The following SGPL1 variants were observed in gnomAD, a reference collection of about 807,000 sequenced individuals.
SGPL1 encodes sphingosine-1-phosphate lyase 1.
SGPL1 carries 37 observed loss-of-function variants against 68.9 expected under a neutral mutation model. The observed-to-expected ratio is 0.54, with a 90% confidence interval of 0.41 to 0.71. The LOEUF is 0.71. Among genes scored for constraint, SGPL1 ranks in the 30% least tolerant of loss-of-function variants. The probability of loss-of-function intolerance (pLI) is 0.00; values close to 1 mark genes in which losing one functional copy is unlikely to be tolerated. For missense variants in SGPL1, 551 were observed against 704.6 expected (o/e 0.78, Z 2.47); for synonymous variants, 236 against 248.5 (o/e 0.95, Z 0.47).
chr10:70,861,540 C>T (rs1332990693), intron 7 of SGPL1, among the ~76,000 whole-genome samples: 1 of 152,198 alleles, frequency 6.6e-6, no homozygotes, highest in Admixed American at 6.5e-5. Context: ...CCCACTTTGG[C>T]GGCACTTGAG....
chr10:70,864,274 A>G (rs899667356), intron 7 of SGPL1, among the ~76,000 whole-genome samples: 3 of 152,142 alleles, frequency 2.0e-5, no homozygotes, highest in African/African-American at 7.2e-5. Flanking sequence ...ATGATTTCAC[A>G]GACTTCCAAC....
At position 70,875,484 on chromosome 10, in the gene SGPL1, T is replaced by C; in HGVS notation, c.1381T>C (p.Tyr461His). ...IALGSRDFDI[Y>H]RLSNLMTAKG... ...TCTGGGATCCCGTGATTTTGACATC[T>C]ACCGACTATCAAACCTGATGACTGC... Residue 461 changes from tyrosine (Y) to histidine (H), a missense_variant, in exon 13 of 15, where the codon TAC (tyrosine) becomes CAC (histidine). By Grantham distance (83) the Tyr-to-His change is moderately conservative (BLOSUM62 2). Transcript: ENST00000373202. The C allele has an allele frequency of 6.2e-7, 1 of 1,613,002 alleles. No individual in the cohort carries two copies. Among genetic ancestry groups the C allele is most frequent in the Non-Finnish European group, 8.5e-7 (1 of 1,178,970 alleles).
At chr10:70,834,571 G>C (rs1276667538) in intron 2 of SGPL1, among the ~76,000 whole-genome samples, 2 of 152,212 alleles carry the variant, frequency 1.3e-5, no homozygotes, top group African/African-American at 4.8e-5. Context: ...AGTAGTATGA[G>C]TGTAAGTCTC....
intron 2 of SGPL1, among the ~76,000 whole-genome samples, chr10:70,817,857 G>A (rs1845263975): frequency 6.6e-6 from 1 of 152,226 alleles, no homozygotes; most frequent in African/African-American, 2.4e-5. Flanking sequence ...GAACCAGTAT[G>A]AATTTAAGTT....
At chr10:70,846,224 C>T (rs771104064) in intron 3 of SGPL1, among the ~76,000 whole-genome samples, 3 of 152,168 alleles carry the variant, frequency 2.0e-5, no homozygotes, top group African/African-American at 7.2e-5. Context: ...CCGGCCCTTC[C>T]GCTGCATCTG....
At chr10:70,857,434 A>C (rs1280862955) in intron 5 of SGPL1, 180 bp from the exon 6 acceptor site, 1 of 529,402 alleles carries the variant, frequency 1.9e-6, no homozygotes, top group Non-Finnish European at 3.4e-6. Flanking sequence ...TTTCATCTTT[A>C]TTTTATTGTG....
intron 6 of SGPL1, among the ~76,000 whole-genome samples, chr10:70,858,791 C>T (rs1846003442): frequency 6.6e-6 from 1 of 152,178 alleles, no homozygotes; most frequent in Admixed American, 6.5e-5. Context: ...TGTTTTCCTT[C>T]CCTTCCATCA....
intron 12 of SGPL1, among the ~76,000 whole-genome samples, chr10:70,874,776 C>T (rs1306603155): frequency 6.6e-6 from 1 of 151,970 alleles, no homozygotes; most frequent in African/African-American, 2.4e-5. Flanking sequence ...TGGTGTGCAC[C>T]TTTGGTCCCA....
intron 4 of SGPL1, among the ~76,000 whole-genome samples, chr10:70,851,420 GCTAAACA>G (rs1845878769): frequency 1.4e-5 from 2 of 145,256 alleles, no homozygotes; most frequent in South Asian, 4.8e-4. Context: ...CAGAAATGCT[GCTAAACA>G]CTAAACATCC....
At chr10:70,873,876 A>G (rs1374315310) in intron 12 of SGPL1, among the ~76,000 whole-genome samples, 2 of 152,202 alleles carry the variant, frequency 1.3e-5, no homozygotes, top group Admixed American at 6.5e-5. Context: ...CCCTAAGGCT[A>G]ATGTACAATT....
At chr10:70,831,564 T>C (rs1020598407) in intron 2 of SGPL1, among the ~76,000 whole-genome samples, 8 of 152,200 alleles carry the variant, frequency 5.3e-5, no homozygotes, top group African/African-American at 9.7e-5. Context: ...TAAGGGATAC[T>C]GCAAAGGTTA....
intron 7 of SGPL1, among the ~76,000 whole-genome samples, chr10:70,864,866 A>G (rs72818118): frequency 0.034 from 5,131 of 152,336 alleles, 103 homozygotes; most frequent in Non-Finnish European, 0.04. Flanking sequence ...TAGAATAACC[A>G]GGTCTATTCT....
intron 3 of SGPL1, among the ~76,000 whole-genome samples, chr10:70,846,817 A>G (rs147580630): frequency 0.019 from 2,895 of 152,318 alleles, 93 homozygotes; most frequent in African/African-American, 0.067. Context: ...CATGTACAAC[A>G]TATGTTTTGA....
chr10:70,823,673 A>G (rs1202801883), intron 2 of SGPL1, among the ~76,000 whole-genome samples: 1 of 149,258 alleles, frequency 6.7e-6, no homozygotes, highest in Non-Finnish European at 1.5e-5. Flanking sequence ...GACAGGAAAC[A>G]AAACAGTACA....
intron 7 of SGPL1, among the ~76,000 whole-genome samples, chr10:70,865,368 G>A (rs1846164915): frequency 6.6e-6 from 1 of 151,824 alleles, no homozygotes; most frequent in Non-Finnish European, 1.5e-5. Flanking sequence ...CCAGGCCTAG[G>A]GGTTTTTTGC....
intron 2 of SGPL1, among the ~76,000 whole-genome samples, chr10:70,831,004 C>G (rs1364466339): frequency 6.6e-6 from 1 of 152,078 alleles, no homozygotes; most frequent in East Asian, 1.9e-4. Context: ...GGCAAAACAA[C>G]TCTCTGTCAT....
rs116038788 is a variant in SGPL1 at position 70,847,984 on chromosome 10, G to A, written c.194-3159G>A. On this transcript the variant is annotated intron_variant, in intron 3 of 14. Coordinates refer to ENST00000373202, the MANE Select transcript of SGPL1 (RefSeq NM_003901.4). ...AGAAGTGGGCAGCGGCATGAACTGTGCTGGGGTTAGCAGCCTCTTCCTTAA... is the reference window on the plus strand; with the variant it reads ...AGAAGTGGGCAGCGGCATGAACTGTACTGGGGTTAGCAGCCTCTTCCTTAA... 8.9e-3 allele frequency among the ~76,000 whole-genome samples: 1,356 copies of A among 152,326 alleles called. 32 individuals carry two copies. Among genetic ancestry groups the A allele is most frequent in the African/African-American group, 0.031 (1,288 of 41,570 alleles).
rs1845680025 is a variant in SGPL1, at chr10:70,839,344, TAA to T, written c.28-5128_28-5127del. On this transcript the variant is annotated intron_variant, in intron 2 of 14. Coordinates refer to ENST00000373202, the MANE Select transcript of SGPL1 (RefSeq NM_003901.4). Reference sequence around the variant, plus strand: ...AAGTATTATTCATTCACTGGGCAAATAATTTTTTTTTCTAGAGGAATACCTTT... The same window carrying T: ...AAGTATTATTCATTCACTGGGCAAATTTTTTTTTTCTAGAGGAATACCTTT... Among the ~76,000 whole-genome samples, 2 of 9,070 alleles carry T rather than the reference TAA, an allele frequency of 2.2e-4. 1 individual carries two copies. Among genetic ancestry groups the T allele is most frequent in the East Asian group, 0.01 (2 of 194 alleles). 6.0% of individuals were successfully genotyped at this position (9,070 alleles called of 152,430 possible).
rs370259398 is a variant in SGPL1, at chr10:70,851,168, A to C, written c.219A>C (p.Lys73Asn). 12 of 1,613,828 alleles carry C rather than the reference A, an allele frequency of 7.4e-6. No individual in the cohort carries two copies. The highest frequency in any genetic ancestry group is 1.0e-5 in the Non-Finnish European group (12 of 1,179,830). ...GTTTATGGTCAAGGTTTAAAAAGAA[A>C]TGTTTTAAGCTCACCAGGAAGATGC... ...PESLWSRFKKKCFKLTRKMPI... is the reference protein window; with the variant it reads ...PESLWSRFKKNCFKLTRKMPI... The change falls in exon 4 of 15, where the codon AAA becomes AAC. Residue 73 changes from lysine to asparagine, a missense_variant. Lys to Asn is a moderately conservative substitution (Grantham distance 94). Transcript: ENST00000373202.
Sources: allele counts gnomAD v4.1 joint callset (sites outside exome capture counted in the v4.1 genomes callset), GRCh38; gene constraint gnomAD v4.1.1; transcripts MANE v1.5; gene names NCBI Gene and HGNC (gene_info 2026-07-23, HGNC 2026-07-21).